CUEDC1: variants seen among roughly 807,000 people sequenced by gnomAD.
The protein encoded by CUEDC1 is CUE domain containing 1.
CUEDC1 carries 30 observed loss-of-function variants against 43.7 expected under a neutral mutation model. The ratio of observed to expected loss-of-function variants is 0.69; its 90% CI spans 0.51 to 0.93. The LOEUF (loss-of-function observed/expected upper bound fraction) is 0.93. Ranked by LOEUF, CUEDC1 falls within the 40% of genes least tolerant of loss-of-function variation. The probability of loss-of-function intolerance (pLI) is 0.00; values close to 1 mark genes in which losing one functional copy is unlikely to be tolerated. For synonymous variants in CUEDC1, 223 were observed against 223.6 expected (o/e 1.00, Z 0.02); for missense variants, 486 against 549.0 (o/e 0.89, Z 1.15).
intron 7 of CUEDC1, chr17:57,868,546 G>T: frequency 2.3e-6 from 1 of 433,274 alleles, no homozygotes; most frequent in Non-Finnish European, 4.2e-6. Flanking sequence ...GCAACACACT[G>T]CAACGCATCT....
At chr17:57,943,348 C>T (rs1598026101) in intron 1 of CUEDC1, among the ~76,000 whole-genome samples, 1 of 152,196 alleles carries the variant, frequency 6.6e-6, no homozygotes, top group Admixed American at 6.5e-5. Flanking sequence ...CTTTCTTTTC[C>T]AGAATTAAAG....
At chr17:57,951,934 T>C (rs1366449543) in intron 1 of CUEDC1, among the ~76,000 whole-genome samples, 1 of 152,216 alleles carries the variant, frequency 6.6e-6, no homozygotes, top group Non-Finnish European at 1.5e-5. Context: ...GAGTCTGTGA[T>C]AATGCGCTGA....
rs117747564 is a variant in CUEDC1 at position 57,947,464 on chromosome 17, T to C, written c.-316+7761A>G. Among the ~76,000 whole-genome samples, 785 of 152,320 alleles carry C rather than the reference T, an allele frequency of 5.2e-3. 4 individuals are homozygous for C. The highest frequency in any genetic ancestry group is 8.8e-3 in the Non-Finnish European group (602 of 68,032). On this transcript the variant is annotated intron_variant, in intron 1 of 10. Transcript: ENST00000577830. The stretch of plus-strand genomic sequence containing the variant: ...TGCTGTAATGTGGCTGAGACTGTTA[T>C]ACTACATGTTTTTCGTAAATTTGAA...
chr17:57,924,684 C>T (rs947910112), intron 1 of CUEDC1, among the ~76,000 whole-genome samples: 11 of 152,050 alleles, frequency 7.2e-5, no homozygotes, highest in African/African-American at 1.7e-4. Context: ...TGTCAAAGGG[C>T]GCTCAAATGA....
chr17:57,919,394 G>T (rs975586860), intron 1 of CUEDC1, among the ~76,000 whole-genome samples: 5 of 152,098 alleles, frequency 3.3e-5, no homozygotes, highest in African/African-American at 1.2e-4. Flanking sequence ...TGGCCAAGCT[G>T]GTCTTGAACT....
intron 3 of CUEDC1, among the ~76,000 whole-genome samples, chr17:57,878,026 A>C (rs1417311429): frequency 3.3e-5 from 5 of 151,874 alleles, no homozygotes; most frequent in African/African-American, 7.3e-5. Context: ...ACAGCCTGCC[A>C]GCTCCTGGTA....
intron 1 of CUEDC1, among the ~76,000 whole-genome samples, chr17:57,929,259 C>G (rs575872802): frequency 1.3e-5 from 2 of 152,290 alleles, no homozygotes; most frequent in African/African-American, 4.8e-5. Flanking sequence ...CCCTATGAGG[C>G]AGGGGCATTA....
chr17:57,914,170 T>C (rs906855441), intron 1 of CUEDC1, among the ~76,000 whole-genome samples: 11 of 152,308 alleles, frequency 7.2e-5, no homozygotes, highest in Middle Eastern at 6.8e-3. Context: ...ATATGTCTAT[T>C]TATGTTGATC....
chr17:57,868,482 A>C, intron 7 of CUEDC1: 1 of 548,384 alleles, frequency 1.8e-6, no homozygotes, highest in Non-Finnish European at 3.3e-6. Context: ...GGACACCCTG[A>C]GCCAGGCCCA....
At position 57,936,318 on chromosome 17, in the gene CUEDC1, C is replaced by A. The variant is rs145717090; in HGVS notation, c.-316+18907G>T. 5.6e-3 allele frequency among the ~76,000 whole-genome samples: 854 copies of A among 152,358 alleles called. 8 individuals carry two copies. Among genetic ancestry groups the A allele is most frequent in the African/African-American group, 0.019 (790 of 41,582 alleles). On this transcript the variant is annotated intron_variant, in intron 1 of 10. Transcript: ENST00000577830. ...TCCTTTGGCCCTTCCCCAGGAGAAG[C>A]CAGAGGGAGCAGAGGCTCTAAATAA...
At position 57,954,311 on chromosome 17, in the gene CUEDC1, A is replaced by G. The variant is rs1243393170; in HGVS notation, c.-316+914T>C. On this transcript the variant is annotated intron_variant, in intron 1 of 10. Coordinates refer to ENST00000577830, the MANE Select transcript of CUEDC1 (RefSeq NM_001271875.2). The surrounding 1 kb of genome is among the most constrained non-coding windows in gnomAD (Gnocchi z 4.3). ...CAGGGCATCTTGTTTCTAAACTCCCAGGGAGTCCCCTCATCTTCTACTCCA... is the reference window on the plus strand; with the variant it reads ...CAGGGCATCTTGTTTCTAAACTCCCGGGGAGTCCCCTCATCTTCTACTCCA... 6.6e-6 allele frequency among the ~76,000 whole-genome samples: 1 copy of G among 152,172 alleles called. No individual in the cohort carries two copies. Among genetic ancestry groups the G allele is most frequent in the Non-Finnish European group, 1.5e-5 (1 of 68,024 alleles).
intron 1 of CUEDC1, among the ~76,000 whole-genome samples, chr17:57,925,166 C>T (rs779188609): frequency 2.6e-5 from 4 of 151,422 alleles, no homozygotes; most frequent in Admixed American, 6.6e-5. Context: ...TGTTTTCAGC[C>T]GTAGTACTGA....
intron 1 of CUEDC1, chr17:57,902,930 G>A (rs1221965115): frequency 6.6e-6 from 1 of 152,258 alleles, no homozygotes; most frequent in African/African-American, 2.4e-5. Flanking sequence ...AACCAGGTCA[G>A]GATTCTACCC....
intron 1 of CUEDC1, among the ~76,000 whole-genome samples, chr17:57,935,745 C>G (rs1277574500): frequency 6.6e-6 from 1 of 152,190 alleles, no homozygotes; most frequent in African/African-American, 2.4e-5. Flanking sequence ...CCAGGCCCGC[C>G]TGGAGCAGCC....
At chr17:57,886,374 C>T (rs879215993) in intron 1 of CUEDC1, among the ~76,000 whole-genome samples, 2 of 152,232 alleles carry the variant, frequency 1.3e-5, no homozygotes, top group Admixed American at 1.3e-4. Context: ...CATCTTCCCA[C>T]ATCACTGCCC....
chr17:57,876,929 G>A (rs2074133922), intron 3 of CUEDC1, among the ~76,000 whole-genome samples: 1 of 152,204 alleles, frequency 6.6e-6, no homozygotes, highest in East Asian at 1.9e-4. Flanking sequence ...GTGCTAAGGT[G>A]GAAATTACTA....
intron 1 of CUEDC1, among the ~76,000 whole-genome samples, chr17:57,950,457 TTTTA>T (rs1465589869): frequency 6.7e-6 from 1 of 149,246 alleles, no homozygotes; most frequent in East Asian, 2.0e-4. Flanking sequence ...CCAGCCTCTT[TTTTA>T]TTTTTTTATT....
chr17:57,863,474 C>T (rs2073910929), intron 10 of CUEDC1, 189 bp from the exon 11 acceptor site: 1 of 152,202 alleles, frequency 6.6e-6, no homozygotes, highest in Admixed American at 6.6e-5. Context: ...ATTCCTAGAA[C>T]CATTCCAGCT....
At chr17:57,916,542 C>A (rs1044204790) in intron 1 of CUEDC1, among the ~76,000 whole-genome samples, 1 of 152,218 alleles carries the variant, frequency 6.6e-6, no homozygotes, top group Non-Finnish European at 1.5e-5. Context: ...GGGAGAAACA[C>A]AAACCCGTCA....
Sources: gnomAD v4.1 joint callset for allele counts (sites outside exome capture counted in the v4.1 genomes callset) on GRCh38, gnomAD v4.1.1 for gene constraint, Gnocchi (gnomAD v3.1) non-coding constraint, MANE v1.5 for transcripts, NCBI Gene and HGNC (gene_info 2026-07-23, HGNC 2026-07-21) for gene names.